NFKBIL1: variants seen among roughly 807,000 people sequenced by gnomAD.
NFKBIL1 encodes the protein NFKB inhibitor like 1.
NFKBIL1 carries 30 observed loss-of-function variants against 45.4 expected under a neutral mutation model. That is an observed-to-expected ratio of 0.66 (90% CI 0.49 to 0.90). The LOEUF (loss-of-function observed/expected upper bound fraction) is 0.90, where lower values mean the gene tolerates loss of function less well. Ranked by LOEUF, NFKBIL1 falls within the 40% of genes least tolerant of loss-of-function variation. NFKBIL1 has a pLI of 0.00. For synonymous variants in NFKBIL1, 179 were observed against 197.3 expected (o/e 0.91, Z 0.78); for missense variants, 434 against 513.4 (o/e 0.85, Z 1.49).
intron 2 of NFKBIL1, chr6:31,556,645 A>G: frequency 2.2e-6 from 1 of 455,770 alleles, no homozygotes; most frequent in Non-Finnish European, 4.4e-6. Context: ...GTTTTCTCTC[A>G]GCCCATGGGT....
chr6:31,548,488 G>A (rs1582996145), intron 2 of NFKBIL1, 49 bp downstream of exon 2: 1 of 1,435,320 alleles, frequency 7.0e-7, no homozygotes, highest in East Asian at 2.5e-5. Context: ...GACCAGACCT[G>A]AAATGAAAGC....
At chr6:31,548,080 G>A (rs1205352287) in intron 1 of NFKBIL1, 83 bp from the exon 2 acceptor site, 21 of 1,568,132 alleles carry the variant, frequency 1.3e-5, no homozygotes, top group Non-Finnish European at 1.8e-5. Context: ...ACCAAAGGGA[G>A]AAACAACAGG....
At chr6:31,555,235 C>CTTT (rs9279346) in intron 2 of NFKBIL1, among the ~76,000 whole-genome samples, 39 of 125,192 alleles carry the variant, frequency 3.1e-4, no homozygotes, top group Middle Eastern at 4.1e-3. Flanking sequence ...TATTTTTTTT[C>CTTT]TTTTTTTTTT....
Position 31,558,276 on chromosome 6 carries a change from G to A in NFKBIL1, c.811G>A (p.Asp271Asn), listed in dbSNP as rs1346727469. The change falls in exon 4 of 4, where the codon GAC becomes AAC. Residue 271 changes from aspartate (D) to asparagine (N), a missense_variant. This residue lies in a region of NFKBIL1 where 128 missense variants were observed against 106.5 expected (regional missense o/e 1.20). Coordinates refer to ENST00000376148, the MANE Select transcript of NFKBIL1 (RefSeq NM_005007.4). The surrounding 1 kb of genome is among the most constrained non-coding windows in gnomAD (Gnocchi z 7.2). ...RARRAQEALG[D>N]REPKPTRAGP... is the part of the protein sequence containing the mutation. ...CAGGAGGGCGCAGGAGGCTCTAGGG[G>A]ACCGAGAACCCAAGCCAACCAGGGC... The A allele has an allele frequency of 1.3e-6, 2 of 1,587,044 alleles. No homozygotes were observed. Among genetic ancestry groups the A allele is most frequent in the East Asian group, 2.3e-5 (1 of 44,198 alleles).
chr6:31,547,844 C>T, intron 1 of NFKBIL1, 93 bp downstream of exon 1: 1 of 1,122,432 alleles, frequency 8.9e-7, no homozygotes, highest in Non-Finnish European at 1.3e-6. Flanking sequence ...CCCCATCCGG[C>T]CCTGTTGGGT....
At chr6:31,551,968 T>C (rs1439731599) in intron 2 of NFKBIL1, among the ~76,000 whole-genome samples, 2 of 152,084 alleles carry the variant, frequency 1.3e-5, no homozygotes, top group African/African-American at 4.8e-5. Context: ...GACTAACTTT[T>C]GTATTTTTAA....
In NFKBIL1 at chr6:31,557,037, T is replaced by C. The variant is rs1184903254; in HGVS notation, c.335-591T>C. 6.6e-6 allele frequency among the ~76,000 whole-genome samples: 1 copy of C among 152,052 alleles called. No homozygotes were observed. The highest frequency in any genetic ancestry group is 2.4e-5 in the African/African-American group (1 of 41,392). On this transcript the variant is annotated intron_variant, in intron 2 of 3. Transcript: ENST00000376148. This position sits in a 1 kb window ranked among gnomAD's most constrained non-coding sequence, Gnocchi z 5.4. ...CACTGCCTTGGTGGCTGGAGGCAGG[T>C]CAGAAAATGTCAGTTGGCATGGTAG... is the stretch of plus-strand genomic sequence containing the variant.
intron 2 of NFKBIL1, among the ~76,000 whole-genome samples, chr6:31,551,912 T>C (rs1769448463): frequency 6.6e-6 from 1 of 152,184 alleles, no homozygotes; most frequent in Non-Finnish European, 1.5e-5. Flanking sequence ...TTCTCCTTCC[T>C]CAGCCTCCTG....
chr6:31,555,534 C>T (rs1420591161), intron 2 of NFKBIL1, among the ~76,000 whole-genome samples: 7 of 150,182 alleles, frequency 4.7e-5, no homozygotes, highest in South Asian at 2.1e-4. Flanking sequence ...CCACCACGCC[C>T]GGCCTCTTTT....
At position 31,548,158 on chromosome 6, in the gene NFKBIL1, C is replaced by T; in HGVS notation, c.58-5C>T. 6.2e-7 allele frequency: 1 copy of T among 1,613,014 alleles called. No homozygotes were observed. Among genetic ancestry groups the T allele is most frequent in the Non-Finnish European group, 8.5e-7 (1 of 1,180,000 alleles). On this transcript the variant is annotated splice_polypyrimidine_tract_variant and splice_region_variant and intron_variant, in intron 1 of 3. Transcript: ENST00000376148. Reference sequence around the variant, plus strand: ...TCCTGACTGCTGCCTTTTTTCCTTCCCCAGCCCAAGAGTTCCATGGCCTCC... The same window carrying T: ...TCCTGACTGCTGCCTTTTTTCCTTCTCCAGCCCAAGAGTTCCATGGCCTCC...
intron 2 of NFKBIL1, chr6:31,556,585 A>C: frequency 2.4e-6 from 1 of 416,880 alleles, no homozygotes; most frequent in South Asian, 1.6e-5. Flanking sequence ...CAGATGCAGC[A>C]AGGTTGGGAC....
Position 31,555,397 on chromosome 6 carries a change from C to T in NFKBIL1, c.335-2231C>T, listed in dbSNP as rs557806408. On this transcript the variant is annotated intron_variant, in intron 2 of 3. Transcript: ENST00000376148. ...GGATTACAGGCACATGCTACCACGC[C>T]TGGCTAATTTTTGTATTTTTAGTAG... 5.9e-5 allele frequency among the ~76,000 whole-genome samples: 9 copies of T among 151,506 alleles called. No individual in the cohort carries two copies. The South Asian group carries it at 1.9e-3, about 32-fold the overall frequency.
intron 2 of NFKBIL1, among the ~76,000 whole-genome samples, chr6:31,554,660 A>G (rs1431062052): frequency 6.6e-6 from 1 of 152,254 alleles, no homozygotes; most frequent in Non-Finnish European, 1.5e-5. Flanking sequence ...GATGATATTC[A>G]ATTTTGGTAA....
chr6:31,548,085 A>G, intron 1 of NFKBIL1, 78 bp from the exon 2 acceptor site: 1 of 1,582,880 alleles, frequency 6.3e-7, no homozygotes, highest in Non-Finnish European at 8.7e-7. Context: ...AGGGAGAAAC[A>G]ACAGGGGATG....
At chr6:31,556,826 A>G (rs1769767306) in intron 2 of NFKBIL1, 1 of 451,088 alleles carries the variant, frequency 2.2e-6, no homozygotes, top group South Asian at 1.6e-5. Flanking sequence ...CATTTATTTT[A>G]CTCAGTTTAT....
In NFKBIL1 at chr6:31,558,689, A is replaced by G; in HGVS notation, c.*78A>G. 7.7e-7 allele frequency: 1 copy of G among 1,290,834 alleles called. No individual in the cohort carries two copies. The highest frequency in any genetic ancestry group is 1.1e-6 in the Non-Finnish European group (1 of 946,288). The allele number at this position is 1,290,834 out of a possible 1,614,324, so 80.0% of individuals were successfully genotyped here. A position where few individuals can be genotyped will look rare whatever the true frequency, so the allele number is the denominator to read the frequency against. ...AGGAAGGGTAAGGGAAAGGATGGGG[A>G]CCACAAGGAAGAGCCAGGTGCTGCT... On this transcript the variant is annotated 3_prime_UTR_variant, in exon 4 of 4. Coordinates refer to ENST00000376148, the MANE Select transcript of NFKBIL1 (RefSeq NM_005007.4). The surrounding 1 kb of genome is among the most constrained non-coding windows in gnomAD (Gnocchi z 7.2).
At position 31,557,103 on chromosome 6, in the gene NFKBIL1, AGAAT is replaced by A. The variant is rs1769781269; in HGVS notation, c.335-524_335-521del. On this transcript the variant is annotated intron_variant, in intron 2 of 3. Coordinates refer to ENST00000376148, the MANE Select transcript of NFKBIL1 (RefSeq NM_005007.4). The surrounding 1 kb of genome is among the most constrained non-coding windows in gnomAD (Gnocchi z 5.4). Reference sequence around the variant, plus strand: ...GAAATAGTTTGTGGAGACACAAGTAAGAATTTTTTTTTTTTTTTTTTTGAGACGG... The same window carrying A: ...GAAATAGTTTGTGGAGACACAAGTAATTTTTTTTTTTTTTTTTTGAGACGG... Among the ~76,000 whole-genome samples, 1 of 122,302 alleles carries A rather than the reference AGAAT, an allele frequency of 8.2e-6. No individual in the cohort carries two copies. The highest frequency in any genetic ancestry group is 3.3e-5 in the African/African-American group (1 of 30,542). 80.2% of individuals were successfully genotyped at this position (122,302 alleles called of 152,430 possible).
Position 31,558,687 on chromosome 6 carries a change from G to A in NFKBIL1, c.*76G>A. 2 of 1,298,176 alleles carry A rather than the reference G, an allele frequency of 1.5e-6. No homozygotes were observed. Among genetic ancestry groups the A allele is most frequent in the Non-Finnish European group, 2.1e-6 (2 of 952,690 alleles). 80.4% of individuals were successfully genotyped at this position (1,298,176 alleles called of 1,614,324 possible). On this transcript the variant is annotated 3_prime_UTR_variant, in exon 4 of 4. Coordinates refer to ENST00000376148, the MANE Select transcript of NFKBIL1 (RefSeq NM_005007.4). The surrounding 1 kb of genome is among the most constrained non-coding windows in gnomAD (Gnocchi z 7.2). ...GAAGGAAGGGTAAGGGAAAGGATGG[G>A]GACCACAAGGAAGAGCCAGGTGCTG...
chr6:31,558,527 T>C lies in NFKBIL1; in HGVS notation c.1062T>C (p.Ile354=). Reference sequence around the variant, plus strand: ...TCCTGCAGCGATTCCGAAGCCAGATTGAGACCTGGGAGCTGGGCCGTGTGA... The same window carrying C: ...TCCTGCAGCGATTCCGAAGCCAGATCGAGACCTGGGAGCTGGGCCGTGTGA... ...DRFLQRFRSQ[I]ETWELGRVMG... is the part of the protein sequence containing the mutation. Residue 354 remains isoleucine, a synonymous_variant, in exon 4 of 4, where the codon ATT becomes ATC. Coordinates refer to ENST00000376148, the MANE Select transcript of NFKBIL1 (RefSeq NM_005007.4). This position sits in a 1 kb window ranked among gnomAD's most constrained non-coding sequence, Gnocchi z 7.2. The C allele has an allele frequency of 1.9e-6, 3 of 1,562,722 alleles. No individual in the cohort carries two copies. Among genetic ancestry groups the C allele is most frequent in the Non-Finnish European group, 2.6e-6 (3 of 1,153,264 alleles).
Sources: allele counts gnomAD v4.1 joint callset (sites outside exome capture counted in the v4.1 genomes callset), GRCh38; gene constraint gnomAD v4.1.1; regional missense constraint gnomAD v4.1.1; non-coding constraint Gnocchi (gnomAD v3.1); transcripts MANE v1.5; gene names NCBI Gene and HGNC (gene_info 2026-07-23, HGNC 2026-07-21).